HDAC4: variants seen among roughly 807,000 people sequenced by gnomAD.
HDAC4 encodes the protein histone deacetylase A.
Under a neutral mutation model 135.1 loss-of-function variants are expected in HDAC4, and 16 were observed. The observed-to-expected ratio is 0.12, with a 90% CI of 0.08 to 0.18. The LOEUF is 0.18. HDAC4 is among the 10% of genes least tolerant of loss of function. The pLI is 1.00. For missense variants in HDAC4, 1,143 were observed against 1,511.8 expected (o/e 0.76, Z 4.05); for synonymous variants, 685 against 653.4 (o/e 1.05, Z -0.74).
At chr2:239,097,303 G>T (rs901079564) in intron 16 of HDAC4, among the ~76,000 whole-genome samples, 1 of 152,198 alleles carries the variant, frequency 6.6e-6, no homozygotes, top group Admixed American at 6.5e-5. Flanking sequence ...GGCATGCCTC[G>T]GCCTCTGGGT....
chr2:239,384,711 T>C (rs1374581326), intron 1 of HDAC4, among the ~76,000 whole-genome samples: 2 of 152,216 alleles, frequency 1.3e-5, no homozygotes, highest in African/African-American at 4.8e-5. Flanking sequence ...TGAGTCTGCT[T>C]TGTTTCAGTG....
At chr2:239,120,382 G>GGCACACACAGACGCACACACAGAC (rs57728898) in intron 12 of HDAC4, among the ~76,000 whole-genome samples, 79 of 150,066 alleles carry the variant, frequency 5.3e-4, no homozygotes, top group African/African-American at 1.5e-3. Flanking sequence ...TACCCGCAGA[G>GGCACACACAGACGCACACACAGAC]GCACACACAG....
At position 239,134,518 on chromosome 2, in the gene HDAC4, C is replaced by T; in HGVS notation, c.1095+9G>A. ...CCCACACCACACGGACCCACGGGGG[C>T]TGACTTACCGCAGAGGGGCCGGTGG... On this transcript the variant is annotated intron_variant, in intron 10 of 26. Transcript: ENST00000543185. The T allele has an allele frequency of 1.2e-6, 2 of 1,613,704 alleles. No individual in the cohort carries two copies. The highest frequency in any genetic ancestry group is 2.7e-5 in the African/African-American group (2 of 75,040).
intron 1 of HDAC4, among the ~76,000 whole-genome samples, chr2:239,366,126 C>A (rs1003797963): frequency 6.8e-6 from 1 of 147,836 alleles, no homozygotes; most frequent in African/African-American, 2.5e-5. Flanking sequence ...GTGGCACTGG[C>A]GGACACAAAC....
intron 2 of HDAC4, among the ~76,000 whole-genome samples, chr2:239,272,573 T>C (rs2050115379): frequency 6.6e-6 from 1 of 152,238 alleles, no homozygotes; most frequent in South Asian, 2.1e-4. Context: ...TCATCACTAG[T>C]TGTTAACCTC....
chr2:239,197,417 A>G (rs2153063876), intron 3 of HDAC4, among the ~76,000 whole-genome samples: 1 of 152,260 alleles, frequency 6.6e-6, no homozygotes, highest in East Asian at 1.9e-4. Context: ...TGGTTTGGTG[A>G]AGACCTTTCA....
chr2:239,398,511 C>T (rs1696717251), intron 1 of HDAC4, among the ~76,000 whole-genome samples: 1 of 152,232 alleles, frequency 6.6e-6, no homozygotes. Flanking sequence ...GTGGAAACTT[C>T]CAGCACTAGA....
chr2:239,304,210 G>A (rs1415484290), intron 2 of HDAC4, among the ~76,000 whole-genome samples: 1 of 152,084 alleles, frequency 6.6e-6, no homozygotes, highest in Non-Finnish European at 1.5e-5. Context: ...TGAGCTCGGG[G>A]AAGAAGTCCA....
intron 2 of HDAC4, among the ~76,000 whole-genome samples, chr2:239,273,703 C>T (rs530700675): frequency 3.9e-5 from 6 of 152,306 alleles, no homozygotes; most frequent in East Asian, 1.9e-4. Flanking sequence ...TTGCTCAACA[C>T]GCCACATGGA....
intron 24 of HDAC4, among the ~76,000 whole-genome samples, chr2:239,062,048 C>T (rs1374704367): frequency 1.3e-5 from 2 of 152,230 alleles, no homozygotes; most frequent in South Asian, 2.1e-4. Flanking sequence ...GCTGGAGGCC[C>T]GACTCGGTGC....
At chr2:239,078,079 A>G (rs924599580) in intron 22 of HDAC4, among the ~76,000 whole-genome samples, 2 of 152,144 alleles carry the variant, frequency 1.3e-5, no homozygotes, top group African/African-American at 4.8e-5. Context: ...AAGAGTCCCC[A>G]TGTCCCCGCG....
chr2:239,344,209 T>C (rs1364228413), intron 2 of HDAC4, among the ~76,000 whole-genome samples: 1 of 152,078 alleles, frequency 6.6e-6, no homozygotes, highest in East Asian at 1.9e-4. Flanking sequence ...AATCACAGCC[T>C]TTCTGTTCCC....
intron 1 of HDAC4, among the ~76,000 whole-genome samples, chr2:239,399,102 C>T (rs1170691278): frequency 1.3e-5 from 2 of 152,170 alleles, no homozygotes; most frequent in Non-Finnish European, 2.9e-5. Context: ...TGCCACAGAT[C>T]CCAGAGAGTA....
At chr2:239,179,832 G>A (rs558089231) in intron 4 of HDAC4, among the ~76,000 whole-genome samples, 86 of 152,380 alleles carry the variant, frequency 5.6e-4, no homozygotes, top group African/African-American at 2.0e-3. Context: ...GGTGGGAGGC[G>A]GCACAAGCCT....
chr2:239,391,720 T>A (rs140455139), intron 1 of HDAC4, among the ~76,000 whole-genome samples: 1 of 152,108 alleles, frequency 6.6e-6, no homozygotes, highest in Non-Finnish European at 1.5e-5. Context: ...TGCAGGCACA[T>A]TGGCAGTGTG....
At chr2:239,124,044 CAAT>C (rs2152840032) in intron 12 of HDAC4, among the ~76,000 whole-genome samples, 1 of 152,186 alleles carries the variant, frequency 6.6e-6, no homozygotes, top group Non-Finnish European at 1.5e-5. Context: ...ACAGGAGAGA[CAAT>C]AAACGGAGAA....
At chr2:239,293,201 T>G (rs1233729791) in intron 2 of HDAC4, among the ~76,000 whole-genome samples, 1 of 152,114 alleles carries the variant, frequency 6.6e-6, no homozygotes, top group Non-Finnish European at 1.5e-5. Context: ...GGATACAAAT[T>G]CCCTGAAATA....
intron 3 of HDAC4, among the ~76,000 whole-genome samples, chr2:239,190,347 C>T (rs1193916938): frequency 6.6e-6 from 1 of 152,222 alleles, no homozygotes; most frequent in Non-Finnish European, 1.5e-5. Context: ...ATCCCTGTTC[C>T]TTCCTCCACC....
At chr2:239,281,985 ACG>A (rs1480002705) in intron 2 of HDAC4, among the ~76,000 whole-genome samples, 3 of 150,094 alleles carry the variant, frequency 2.0e-5, no homozygotes, top group East Asian at 4.0e-4. Flanking sequence ...ACCACTCTAC[ACG>A]CAGTGTACAC....
Sources: allele counts gnomAD v4.1 joint callset (sites outside exome capture counted in the v4.1 genomes callset), GRCh38; gene constraint gnomAD v4.1.1; transcripts MANE v1.5; gene names NCBI Gene and HGNC (gene_info 2026-07-23, HGNC 2026-07-21).